SCG3: variants seen among roughly 807,000 people sequenced by gnomAD.
SCG3 encodes the protein secretogranin III.
In SCG3, 38 loss-of-function variants were observed where a neutral mutation model predicts 56.2. That is an observed-to-expected ratio of 0.68 (90% confidence interval 0.52 to 0.89). The LOEUF is 0.89. Among genes scored for constraint, SCG3 ranks in the 40% least tolerant of loss-of-function variants. The probability of loss-of-function intolerance (pLI) is 0.00; values close to 1 mark genes in which losing one functional copy is unlikely to be tolerated. For synonymous variants in SCG3, 176 were observed against 184.2 expected, an observed-to-expected ratio of 0.96 and a Z score of 0.36; for missense variants, 524 against 540.7, an observed-to-expected ratio of 0.97 and a Z score of 0.31.
intron 11 of SCG3, among the ~76,000 whole-genome samples, chr15:51,714,203 G>A (rs897878360): frequency 1.3e-5 from 2 of 152,140 alleles, no homozygotes; most frequent in African/African-American, 2.4e-5. Context: ...TTGGGAAGTG[G>A]GCAGTAGCCA....
rs1169672404 is a variant in SCG3, at chr15:51,683,203, G to C, written c.182-16G>C. On this transcript the variant is annotated splice_polypyrimidine_tract_variant and intron_variant, in intron 3 of 11. Transcript: ENST00000220478. ...GAACTAAAATGGCTGTGTTGGGTTT[G>C]GGGCTATTCTTCCAGAAAACAAGCC... 1 of 1,609,694 alleles carries C rather than the reference G, an allele frequency of 6.2e-7. No homozygotes were observed. The highest frequency in any genetic ancestry group is 2.2e-5 in the East Asian group (1 of 44,800).
chr15:51,682,569 G>T lies in SCG3; in HGVS notation c.135G>T (p.Gln45His). Residue 45 changes from glutamine (Q) to histidine (H), a missense_variant and splice_region_variant, in exon 2 of 12, where the codon CAG becomes CAT. Transcript: ENST00000220478. The part of the protein sequence containing the change: ...ELSAERPLNE[Q>H]IAEAEEDKIK... ...GTGCAGAAAGACCTTTGAATGAACA[G>T]GTAGGTCAAAAGTAACATTATGAAT... 1 of 1,416,492 alleles carries T rather than the reference G, an allele frequency of 7.1e-7. No individual in the cohort carries two copies. The highest frequency in any genetic ancestry group is 9.5e-7 in the Non-Finnish European group (1 of 1,053,496). 87.7% of individuals were successfully genotyped at this position (1,416,492 alleles called of 1,614,324 possible).
chr15:51,682,991 C>A, intron 2 of SCG3, 88 bp from the exon 3 acceptor site: 5 of 988,864 alleles, frequency 5.1e-6, no homozygotes, highest in Admixed American at 2.4e-5. Context: ...CAATTAAATC[C>A]CATGGAGATT....
chr15:51,683,419 G>A lies in SCG3; in HGVS notation c.382G>A (p.Asp128Asn). The change falls in exon 4 of 12, where the codon GAT becomes AAT. Residue 128 changes from aspartate (D) to asparagine (N), a missense_variant. Physicochemically the swap from Asp to Asn is conservative, Grantham distance 23. Transcript: ENST00000220478. The part of the protein sequence containing the change: ...DDYDSTKSGL[D>N]HKFQDDPDGL... The stretch of plus-strand genomic sequence containing the variant: ...TTATGACTCTACTAAGAGTGGATTG[G>A]ATCATAAATTTCAAGGTAAATGAGA... 6.3e-7 allele frequency: 1 copy of A among 1,597,042 alleles called. No homozygotes were observed. Among genetic ancestry groups the A allele is most frequent in the South Asian group, 1.2e-5 (1 of 86,418 alleles).
chr15:51,719,404 C>T lies in SCG3; in HGVS notation c.1289-4C>T, dbSNP rs760066505. On this transcript the variant is annotated splice_polypyrimidine_tract_variant and splice_region_variant and intron_variant, in intron 11 of 11. Transcript: ENST00000220478. ...GCTCATTATGCTCTAATAATATTTT[C>T]CAGATTATGACCTTTCAAAGATGAG... 1.9e-6 allele frequency: 3 copies of T among 1,601,650 alleles called. No individual in the cohort carries two copies. The African/African-American group carries it at 4.0e-5, about 21-fold the overall frequency.
At chr15:51,693,078 A>G (rs8025974) in intron 7 of SCG3, 118,753 of 152,030 alleles carry the variant, frequency 0.78, 46,494 homozygotes, top group East Asian at 0.83. Context: ...CTACCATTCT[A>G]CTCTCTTCTT....
At chr15:51,702,208 T>C (rs1212255803) in intron 10 of SCG3, among the ~76,000 whole-genome samples, 1 of 152,238 alleles carries the variant, frequency 6.6e-6, no homozygotes, top group African/African-American at 2.4e-5. Context: ...TTAAATAGCA[T>C]AAATATATCT....
chr15:51,697,335 T>A (rs2055310425), intron 8 of SCG3, among the ~76,000 whole-genome samples: 1 of 152,196 alleles, frequency 6.6e-6, no homozygotes, highest in South Asian at 2.1e-4. Flanking sequence ...TCAATTATCC[T>A]ATGGAAATAA....
rs145733878 is a variant in SCG3, at chr15:51,682,430, T to C, written c.83-87T>C. 8.5e-5 allele frequency: 54 copies of C among 632,708 alleles called. No individual in the cohort carries two copies. The African/African-American group carries it at 9.8e-4, about 11-fold the overall frequency. The allele number at this position is 632,708 out of a possible 1,614,324, so 39.2% of individuals were successfully genotyped here. The stretch of plus-strand genomic sequence containing the variant: ...CCAAAATTATTTCTCCTAATATTTT[T>C]CCTTTTTATAAAAATTTTATTTAAT... On this transcript the variant is annotated intron_variant, in intron 1 of 11. Coordinates refer to ENST00000220478, the MANE Select transcript of SCG3 (RefSeq NM_013243.4).
At position 51,691,282 on chromosome 15, in the gene SCG3, G is replaced by A. The variant is rs184565338; in HGVS notation, c.691-877G>A. ...ACCATGCAGCGCCTTATGAGCCATG[G>A]ATGGACTCTGATCTTTATTGTAAGA... On this transcript the variant is annotated intron_variant, in intron 6 of 11. Coordinates refer to ENST00000220478, the MANE Select transcript of SCG3 (RefSeq NM_013243.4). 2.0e-5 allele frequency among the ~76,000 whole-genome samples: 3 copies of A among 152,320 alleles called. No individual in the cohort carries two copies. In the East Asian group the frequency reaches 5.8e-4, roughly 29 times the overall value.
intron 10 of SCG3, among the ~76,000 whole-genome samples, chr15:51,708,655 A>C (rs1417241193): frequency 2.0e-5 from 3 of 152,314 alleles, no homozygotes; most frequent in Admixed American, 2.0e-4. Context: ...GGAGATCGAG[A>C]CCATCCTGGC....
chr15:51,695,710 G>T, intron 7 of SCG3, 165 bp from the exon 8 acceptor site: 1 of 566,914 alleles, frequency 1.8e-6, no homozygotes, highest in East Asian at 2.9e-5. Context: ...TGATCAGACC[G>T]GAGAATAGCC....
At chr15:51,716,564 TC>T (rs1230885239) in intron 11 of SCG3, among the ~76,000 whole-genome samples, 1 of 152,212 alleles carries the variant, frequency 6.6e-6, no homozygotes, top group Non-Finnish European at 1.5e-5. Context: ...CTTTTCTGTT[TC>T]TTCATCTCTG....
At position 51,692,184 on chromosome 15, in the gene SCG3, G is replaced by T; in HGVS notation, c.716G>T (p.Gly239Val). 6.2e-7 allele frequency: 1 copy of T among 1,611,668 alleles called. No individual in the cohort carries two copies. Among genetic ancestry groups the T allele is most frequent in the African/African-American group, 1.3e-5 (1 of 74,964 alleles). The change falls in exon 7 of 12, where the codon GGT becomes GTT. Residue 239 changes from glycine to valine, a missense_variant. Gly to Val is a moderately radical substitution (Grantham distance 109). Coordinates refer to ENST00000220478, the MANE Select transcript of SCG3 (RefSeq NM_013243.4). The part of the protein sequence containing the change: ...KVTPMAAIQD[G>V]LAKGENDETV... The stretch of plus-strand genomic sequence containing the variant: ...ACTCCAATGGCAGCAATTCAAGATG[G>T]TCTTGCTAAGGGAGAAAACGATGAA...
At chr15:51,705,728 G>A (rs1277162937) in intron 10 of SCG3, among the ~76,000 whole-genome samples, 1 of 152,070 alleles carries the variant, frequency 6.6e-6, no homozygotes, top group Non-Finnish European at 1.5e-5. Context: ...CACCATGTTG[G>A]CCAGGCTGGT....
chr15:51,716,557 T>G (rs2055457340), intron 11 of SCG3, among the ~76,000 whole-genome samples: 1 of 152,168 alleles, frequency 6.6e-6, no homozygotes, highest in Admixed American at 6.5e-5. Flanking sequence ...TTACCCCCTT[T>G]TCTGTTTCTT....
intron 9 of SCG3, among the ~76,000 whole-genome samples, chr15:51,699,791 C>T: frequency 6.6e-6 from 1 of 152,080 alleles, no homozygotes; most frequent in East Asian, 1.9e-4. Flanking sequence ...CACTGCCCGC[C>T]TCCCGCTCTC....
intron 6 of SCG3, among the ~76,000 whole-genome samples, chr15:51,690,156 G>C (rs1016245080): frequency 6.6e-5 from 10 of 152,104 alleles, no homozygotes; most frequent in Admixed American, 5.2e-4. Flanking sequence ...GCTGCCTAAT[G>C]CTGCCTCTCT....
chr15:51,694,501 G>T (rs1414928848), intron 7 of SCG3, among the ~76,000 whole-genome samples: 1 of 151,644 alleles, frequency 6.6e-6, no homozygotes, highest in Non-Finnish European at 1.5e-5. Context: ...AACCATATCT[G>T]CGGGGGAGGA....
Sources: allele counts gnomAD v4.1 joint callset (sites outside exome capture counted in the v4.1 genomes callset), GRCh38; gene constraint gnomAD v4.1.1; transcripts MANE v1.5; gene names NCBI Gene and HGNC (gene_info 2026-07-23, HGNC 2026-07-21).